The following TRIP4 variants were observed in gnomAD, a reference collection of about 807,000 sequenced individuals.
The protein encoded by TRIP4 is activating signal cointegrator 1.
A neutral mutation model predicts 81.8 loss-of-function variants in TRIP4; 54 were observed. The observed-to-expected ratio is 0.66, with a 90% CI of 0.53 to 0.83. The LOEUF is 0.83. Among genes scored for constraint, TRIP4 ranks in the 40% least tolerant of loss-of-function variants. TRIP4 has a pLI of 0.00. For synonymous variants in TRIP4, 270 were observed against 242.8 expected (o/e 1.11, Z -1.04); for missense variants, 662 against 683.6 (o/e 0.97, Z 0.35).
At chr15:64,400,473 CTTT>C (rs34275640) in intron 4 of TRIP4, among the ~76,000 whole-genome samples, 1 of 125,716 alleles carries the variant, frequency 8.0e-6, no homozygotes. Context: ...TGTGCCCAGC[CTTT>C]TTTTTTTTTT....
At chr15:64,405,231 T>G (rs1891598291) in intron 5 of TRIP4, among the ~76,000 whole-genome samples, 1 of 151,414 alleles carries the variant, frequency 6.6e-6, no homozygotes, top group Non-Finnish European at 1.5e-5. Flanking sequence ...CTCGGCTCAC[T>G]GTAAGCTCAG....
chr15:64,409,953 T>G lies in TRIP4; in HGVS notation c.1043+125T>G. 2 of 845,496 alleles carry G rather than the reference T, an allele frequency of 2.4e-6. 1 individual carries two copies. The highest frequency in any genetic ancestry group is 3.6e-6 in the Non-Finnish European group (2 of 558,040). 52.4% of individuals were successfully genotyped at this position (845,496 alleles called of 1,614,324 possible). ...ATGTGTTTATTTGGAACAGAAAACA[T>G]GTTAAGAATAGCTAAGAAAAAATGT... is the stretch of plus-strand genomic sequence containing the variant. On this transcript the variant is annotated intron_variant, in intron 7 of 12. Transcript: ENST00000261884.
At chr15:64,435,230 A>AAAC (rs1460296816) in intron 11 of TRIP4, among the ~76,000 whole-genome samples, 1 of 149,512 alleles carries the variant, frequency 6.7e-6, no homozygotes, top group Non-Finnish European at 1.5e-5. Flanking sequence ...AAAAAAAAAA[A>AAAC]AAAAAAAGAT....
In TRIP4 at chr15:64,400,728, C is replaced by G; in HGVS notation, c.619-15C>G. ...TAACTGTTGGATCACATGTCTTACT[C>G]TTACTATTTTACAGGTGTGTACTCA... On this transcript the variant is annotated splice_polypyrimidine_tract_variant and intron_variant, in intron 4 of 12. Coordinates refer to ENST00000261884, the MANE Select transcript of TRIP4 (RefSeq NM_016213.5). 6.2e-7 allele frequency: 1 copy of G among 1,608,022 alleles called. No individual in the cohort carries two copies. The highest frequency in any genetic ancestry group is 8.5e-7 in the Non-Finnish European group (1 of 1,174,832).
intron 8 of TRIP4, among the ~76,000 whole-genome samples, chr15:64,417,423 C>G (rs192270287): frequency 2.7e-3 from 417 of 152,198 alleles, no homozygotes; most frequent in Non-Finnish European, 3.8e-3. Flanking sequence ...AGTGAAGCTA[C>G]AGGCATGCTT....
chr15:64,406,955 C>T (rs1240191401), intron 6 of TRIP4, among the ~76,000 whole-genome samples: 1 of 152,130 alleles, frequency 6.6e-6, no homozygotes, highest in Non-Finnish European at 1.5e-5. Context: ...ACTAAATTAG[C>T]TTTATACTAC....
intron 11 of TRIP4, among the ~76,000 whole-genome samples, chr15:64,431,847 AT>A (rs1555411171): frequency 8.4e-6 from 1 of 119,560 alleles, no homozygotes; most frequent in African/African-American, 3.3e-5. Context: ...ATATATATAT[AT>A]TTTTTTTATC....
At chr15:64,447,077 C>T (rs546039916) in intron 12 of TRIP4, among the ~76,000 whole-genome samples, 1 of 152,236 alleles carries the variant, frequency 6.6e-6, no homozygotes, top group South Asian at 2.1e-4. Context: ...GCACTCCAGC[C>T]TGGGCAACAG....
chr15:64,406,191 A>T, intron 5 of TRIP4, 139 bp from the exon 6 acceptor site: 2 of 972,280 alleles, frequency 2.1e-6, no homozygotes, highest in Non-Finnish European at 3.1e-6. Flanking sequence ...TGGACTGTGT[A>T]CTTGTTTTCT....
At chr15:64,420,143 C>T (rs549762001) in intron 9 of TRIP4, among the ~76,000 whole-genome samples, 79 of 134,222 alleles carry the variant, frequency 5.9e-4, no homozygotes, top group Admixed American at 5.3e-3. Flanking sequence ...TTTTTTGAGA[C>T]GAAGTTTTGC....
At chr15:64,452,628 TTTCA>T (rs753898060) in intron 12 of TRIP4, among the ~76,000 whole-genome samples, 1 of 152,204 alleles carries the variant, frequency 6.6e-6, no homozygotes, top group Admixed American at 6.5e-5. Flanking sequence ...TTTTTCCTCC[TTTCA>T]TTTTACAGGT....
At chr15:64,400,956 TTTG>T (rs1891487448) in intron 5 of TRIP4, 135 bp downstream of exon 5, 34 of 641,316 alleles carry the variant, frequency 5.3e-5, no homozygotes, top group East Asian at 8.5e-5. Flanking sequence ...GGGGGTTTTT[TTTG>T]TTTTGTTTTG....
intron 8 of TRIP4, 70 bp from the exon 9 acceptor site, chr15:64,418,471 C>T: frequency 1.4e-6 from 2 of 1,426,014 alleles, no homozygotes; most frequent in South Asian, 2.8e-5. Context: ...TTAGCATTCG[C>T]ATCATTTTGT....
At chr15:64,394,694 A>C (rs906086415) in intron 2 of TRIP4, among the ~76,000 whole-genome samples, 1 of 152,164 alleles carries the variant, frequency 6.6e-6, no homozygotes. Flanking sequence ...AAATTTATAC[A>C]TAAAGAAACA....
chr15:64,431,847 A>ATATATATATATATATTTT, intron 11 of TRIP4, among the ~76,000 whole-genome samples: 4 of 119,558 alleles, frequency 3.3e-5, no homozygotes, highest in African/African-American at 1.3e-4. Flanking sequence ...ATATATATAT[A>ATATATATATATATATTTT]TTTTTTTTAT....
Position 64,424,068 on chromosome 15 carries a change from C to T in TRIP4, c.1396C>T (p.Arg466Ter), listed in dbSNP as rs745835965. ...ATCCTGGTACACCCCCCACAGAGGACGACTTTGGATAGCAGCCACAGCTAA... is the reference window on the plus strand; with the variant it reads ...ATCCTGGTACACCCCCCACAGAGGATGACTTTGGATAGCAGCCACAGCTAA... ...GRSWYTPHRG[R>*]LWIAATAKKP... The change falls in exon 10 of 13, where the codon CGA becomes TGA. Residue 466 changes from arginine (R) to a stop codon, truncating the protein, a stop_gained. Coordinates refer to ENST00000261884, the MANE Select transcript of TRIP4 (RefSeq NM_016213.5). LOFTEE classifies it high-confidence loss of function. 6 of 1,613,966 alleles carry T rather than the reference C, an allele frequency of 3.7e-6. No individual in the cohort carries two copies. The highest frequency in any genetic ancestry group is 1.3e-5 in the African/African-American group (1 of 74,878).
rs1261560324 is a variant in TRIP4 at position 64,406,332 on chromosome 15, G to A, written c.700G>A (p.Val234Met). The change falls in exon 6 of 13, where the codon GTG becomes ATG. Residue 234 changes from valine (V) to methionine (M), a missense_variant and splice_region_variant. Coordinates refer to ENST00000261884, the MANE Select transcript of TRIP4 (RefSeq NM_016213.5). ...QKLLKKLMSG[V>M]ENSGKVDIST... ...TTGACTTCCTTATTGAATTTCAGGA[G>A]TGGAGAATTCTGGAAAGGTGGACAT... The A allele has an allele frequency of 1.9e-6, 3 of 1,613,334 alleles. No homozygotes were observed. The highest frequency in any genetic ancestry group is 1.7e-5 in the Admixed American group (1 of 59,792).
Position 64,425,603 on chromosome 15 carries a change from G to T in TRIP4, c.1547G>T (p.Cys516Phe). The T allele has an allele frequency of 6.2e-7, 1 of 1,611,446 alleles. No homozygotes were observed. The highest frequency in any genetic ancestry group is 8.5e-7 in the Non-Finnish European group (1 of 1,178,592). Reference sequence around the variant, plus strand: ...CTGGGCTGTGTGGACCTAATTGACTGCTTGTCCCAGAAGCAATTTAAGGAG... The same window carrying T: ...CTGGGCTGTGTGGACCTAATTGACTTCTTGTCCCAGAAGCAATTTAAGGAG... ...CLLGCVDLID[C>F]LSQKQFKEQF... Residue 516 changes from cysteine (C) to phenylalanine (F), a missense_variant, in exon 11 of 13, where the codon TGC becomes TTC. Coordinates refer to ENST00000261884, the MANE Select transcript of TRIP4 (RefSeq NM_016213.5).
At chr15:64,449,590 A>G (rs1467784752) in intron 12 of TRIP4, among the ~76,000 whole-genome samples, 1 of 151,636 alleles carries the variant, frequency 6.6e-6, no homozygotes, top group Non-Finnish European at 1.5e-5. Context: ...ATATATAAAA[A>G]ATATATGGAT....
Sources: allele counts gnomAD v4.1 joint callset (sites outside exome capture counted in the v4.1 genomes callset), GRCh38; gene constraint gnomAD v4.1.1; transcripts MANE v1.5; gene names NCBI Gene and HGNC (gene_info 2026-07-23, HGNC 2026-07-21).